The following CHSY3 variants were observed in gnomAD, a reference collection of about 807,000 sequenced individuals.
CHSY3 encodes chondroitin sulfate synthase 3.
Under a neutral mutation model 67.2 loss-of-function variants are expected in CHSY3, and 35 were observed. The ratio of observed to expected loss-of-function variants is 0.52; its 90% CI spans 0.40 to 0.69. The LOEUF is 0.69. Ranked by LOEUF, CHSY3 falls within the 30% of genes least tolerant of loss-of-function variation. The probability of loss-of-function intolerance (pLI) is 0.00; values close to 1 mark genes in which losing one functional copy is unlikely to be tolerated. For synonymous variants in CHSY3, 474 were observed against 434.7 expected, an observed-to-expected ratio of 1.09 and a Z score of -1.12; for missense variants, 1,069 against 1,138.5, an observed-to-expected ratio of 0.94 and a Z score of 0.88.
intron 2 of CHSY3, among the ~76,000 whole-genome samples, chr5:129,919,076 C>G (rs1288110740): frequency 2.4e-5 from 3 of 122,986 alleles, no homozygotes; most frequent in Non-Finnish European, 4.7e-5. Flanking sequence ...CACTGCAGTC[C>G]GCAGTCCGGC....
chr5:130,096,135 CA>C (rs1419686638), intron 2 of CHSY3, among the ~76,000 whole-genome samples: 17 of 151,834 alleles, frequency 1.1e-4, no homozygotes, highest in Admixed American at 9.8e-4. Flanking sequence ...GATCCTGGAA[CA>C]AAAAAACTGC....
chr5:130,168,051 G>T (rs1769797571), intron 2 of CHSY3, among the ~76,000 whole-genome samples: 1 of 152,058 alleles, frequency 6.6e-6, no homozygotes, highest in Non-Finnish European at 1.5e-5. Context: ...ATATGCTGAA[G>T]AGGTTCTTTT....
At chr5:129,954,998 A>G (rs994352876) in intron 2 of CHSY3, among the ~76,000 whole-genome samples, 2 of 152,082 alleles carry the variant, frequency 1.3e-5, no homozygotes, top group Non-Finnish European at 2.9e-5. Flanking sequence ...CCTCCCGAGT[A>G]GGTGTGTCTA....
intron 2 of CHSY3, among the ~76,000 whole-genome samples, chr5:129,918,152 C>T (rs1041648751): frequency 3.3e-5 from 5 of 152,100 alleles, no homozygotes; most frequent in African/African-American, 9.7e-5. Flanking sequence ...TGTTTTCTCA[C>T]GATCTGATTT....
intron 2 of CHSY3, among the ~76,000 whole-genome samples, chr5:129,949,294 CA>C (rs1338291957): frequency 1.3e-4 from 20 of 151,944 alleles, no homozygotes; most frequent in Non-Finnish European, 2.1e-4. Context: ...TGCAAAAATA[CA>C]AAAAATCATA....
intron 2 of CHSY3, among the ~76,000 whole-genome samples, chr5:129,960,540 T>A (rs1353263902): frequency 2.0e-5 from 3 of 152,000 alleles, no homozygotes; most frequent in African/African-American, 7.2e-5. Context: ...TCATTTTACT[T>A]AAATACGTGA....
chr5:130,063,505 C>A (rs1345608704), intron 2 of CHSY3, among the ~76,000 whole-genome samples: 1 of 152,064 alleles, frequency 6.6e-6, no homozygotes, highest in African/African-American at 2.4e-5. Context: ...AAATTTCCAT[C>A]TTCATTCCTC....
intron 2 of CHSY3, among the ~76,000 whole-genome samples, chr5:130,093,776 T>C (rs1307113419): frequency 1.3e-5 from 2 of 152,150 alleles, no homozygotes; most frequent in Admixed American, 1.3e-4. Context: ...TTTCATCCTT[T>C]AATTTTTTTA....
At chr5:130,017,751 A>G (rs1764255264) in intron 2 of CHSY3, among the ~76,000 whole-genome samples, 1 of 152,100 alleles carries the variant, frequency 6.6e-6, no homozygotes, top group South Asian at 2.1e-4. Context: ...TTTTGTTGCA[A>G]TATATAAAGT....
intron 2 of CHSY3, among the ~76,000 whole-genome samples, chr5:130,144,645 A>G (rs930814412): frequency 9.2e-5 from 14 of 152,068 alleles, no homozygotes; most frequent in Non-Finnish European, 2.1e-4. Context: ...AGAGAAATGG[A>G]AAAAAAATCT....
intron 2 of CHSY3, among the ~76,000 whole-genome samples, chr5:129,941,633 A>G (rs1310023713): frequency 1.3e-5 from 2 of 152,216 alleles, no homozygotes; most frequent in South Asian, 2.1e-4. Context: ...CAGGGGAAAA[A>G]CTTTCTCAAA....
chr5:130,001,781 T>C, intron 2 of CHSY3: 2 of 821,882 alleles, frequency 2.4e-6, no homozygotes, highest in East Asian at 1.2e-4. Flanking sequence ...CCCTCGCTGA[T>C]AGTTTCCTGT....
At chr5:130,111,858 C>G (rs568238971) in intron 2 of CHSY3, among the ~76,000 whole-genome samples, 1 of 151,784 alleles carries the variant, frequency 6.6e-6, no homozygotes, top group Non-Finnish European at 1.5e-5. Flanking sequence ...GCAACTAATT[C>G]CACACATTTT....
chr5:130,003,741 T>C (rs776519376), intron 2 of CHSY3, among the ~76,000 whole-genome samples: 4 of 152,180 alleles, frequency 2.6e-5, no homozygotes, highest in Non-Finnish European at 5.9e-5. Flanking sequence ...CTGTGGTCTA[T>C]CTAGTTTTCT....
intron 2 of CHSY3, among the ~76,000 whole-genome samples, chr5:129,933,084 A>G (rs1203458752): frequency 1.3e-5 from 2 of 152,186 alleles, no homozygotes; most frequent in East Asian, 3.8e-4. Flanking sequence ...ATACAAATAT[A>G]TAAAGCAGCA....
rs745891941 is a variant in CHSY3 at position 130,009,160 on chromosome 5, C to T, written c.1086+100800C>T. 9.2e-5 allele frequency among the ~76,000 whole-genome samples: 14 copies of T among 152,182 alleles called. No individual in the cohort carries two copies. In the South Asian group the frequency reaches 1.2e-3, roughly 14 times the overall value. Reference sequence around the variant, plus strand: ...GATGACCATCCCCAAAACACATCATCGTCGTATTCTTCAAGGACAATACAT... The same window carrying T: ...GATGACCATCCCCAAAACACATCATTGTCGTATTCTTCAAGGACAATACAT... On this transcript the variant is annotated intron_variant, in intron 2 of 2. Transcript: ENST00000305031.
intron 2 of CHSY3, among the ~76,000 whole-genome samples, chr5:130,088,321 G>T (rs1766740647): frequency 1.3e-5 from 2 of 149,624 alleles, no homozygotes; most frequent in South Asian, 4.2e-4. Context: ...AGGACTTCAT[G>T]TCTAAAACAC....
At chr5:130,006,227 A>C (rs1044231486) in intron 2 of CHSY3, among the ~76,000 whole-genome samples, 8 of 152,274 alleles carry the variant, frequency 5.3e-5, no homozygotes, top group Non-Finnish European at 7.3e-5. Flanking sequence ...ATCTGGGTAA[A>C]GTTGTGGCGT....
rs149902831 is a variant in CHSY3, at chr5:130,108,725, C to T, written c.1087-75504C>T. ...GCATTTAAAAAAATGACTGCATTCA[C>T]ACTTAGGCTTTTCATTAGAACATTC... On this transcript the variant is annotated intron_variant, in intron 2 of 2. Transcript: ENST00000305031. Among the ~76,000 whole-genome samples, 234 of 151,746 alleles carry T rather than the reference C, an allele frequency of 1.5e-3. 2 individuals are homozygous for T. The highest frequency in any genetic ancestry group is 6.8e-3 in the Middle Eastern group (2 of 294).
Sources: allele counts gnomAD v4.1 joint callset (sites outside exome capture counted in the v4.1 genomes callset), GRCh38; gene constraint gnomAD v4.1.1; transcripts MANE v1.5; gene names NCBI Gene and HGNC (gene_info 2026-07-23, HGNC 2026-07-21).